The following PRKN variants were observed in gnomAD, a reference collection of about 807,000 sequenced individuals.
PRKN encodes the protein parkin RBR E3 ubiquitin protein ligase, also known as E3 ubiquitin-protein ligase parkin.
A neutral mutation model predicts 59.5 loss-of-function variants in PRKN; 56 were observed. That is an observed-to-expected ratio of 0.94 (90% CI 0.76 to 1.18). The LOEUF (loss-of-function observed/expected upper bound fraction) is 1.18, where lower values mean the gene tolerates loss of function less well. Among genes scored for constraint, PRKN ranks in the 50% most tolerant of loss-of-function variants. The pLI is 0.00. For synonymous variants in PRKN, 250 were observed against 222.1 expected, an observed-to-expected ratio of 1.13 and a Z score of -1.12; for missense variants, 657 against 596.4, an observed-to-expected ratio of 1.10 and a Z score of -1.06.
chr6:162,273,224 C>T (rs1057177385), intron 2 of PRKN, among the ~76,000 whole-genome samples: 1 of 151,934 alleles, frequency 6.6e-6, no homozygotes, highest in Non-Finnish European at 1.5e-5. Context: ...AAAATGGTTA[C>T]CTATGAGGGA....
At chr6:162,333,127 A>G (rs2128125390) in intron 2 of PRKN, among the ~76,000 whole-genome samples, 1 of 152,254 alleles carries the variant, frequency 6.6e-6, no homozygotes, top group East Asian at 1.9e-4. Context: ...TTAACTAGAG[A>G]AAGAGACCCA....
In PRKN at chr6:161,562,613, A is replaced by AT. The variant is rs1780498501; in HGVS notation, c.933+6741dup. Among the ~76,000 whole-genome samples, 1 of 152,094 alleles carries AT rather than the reference A, an allele frequency of 6.6e-6. No individual in the cohort carries two copies. The highest frequency in any genetic ancestry group is 6.5e-5 in the Admixed American group (1 of 15,272). On this transcript the variant is annotated intron_variant, in intron 8 of 11. Transcript: ENST00000366898. The surrounding 1 kb of genome is among the most constrained non-coding windows in gnomAD (Gnocchi z 4.3). ...CAAGTCCCGACTTATCTCCTTCTCC[A>AT]TGCTTCAGGCATAGCAAATGTGTTC... is the stretch of plus-strand genomic sequence containing the variant.
chr6:162,439,108 C>T (rs1490691648), intron 2 of PRKN, among the ~76,000 whole-genome samples: 1 of 152,094 alleles, frequency 6.6e-6, no homozygotes, highest in Non-Finnish European at 1.5e-5. Flanking sequence ...TCAGAAATTT[C>T]AAACAAGAGG....
At position 162,604,606 on chromosome 6, in the gene PRKN, A is replaced by G. The variant is rs572001238; in HGVS notation, c.7+123056T>C. Among the ~76,000 whole-genome samples the G allele has an allele frequency of 6.6e-5, 10 of 151,550 alleles. 1 individual carries two copies. Among genetic ancestry groups the G allele is most frequent in the African/African-American group, 2.2e-4 (9 of 41,138 alleles). On this transcript the variant is annotated intron_variant, in intron 1 of 11. Coordinates refer to ENST00000366898, the MANE Select transcript of PRKN (RefSeq NM_004562.3). Reference sequence around the variant, plus strand: ...GGGTCCATGTTTTTCCCCCACACTCATCCCCTACATATGAAGTCTCTGGTG... The same window carrying G: ...GGGTCCATGTTTTTCCCCCACACTCGTCCCCTACATATGAAGTCTCTGGTG...
chr6:162,685,223 A>T (rs1779925417), intron 1 of PRKN, among the ~76,000 whole-genome samples: 1 of 152,154 alleles, frequency 6.6e-6, no homozygotes, highest in Admixed American at 6.5e-5. Context: ...ACAGATGTGT[A>T]CTGCAATAAA....
intron 4 of PRKN, among the ~76,000 whole-genome samples, chr6:162,091,226 T>C (rs528160132): frequency 6.6e-6 from 1 of 152,284 alleles, no homozygotes; most frequent in African/African-American, 2.4e-5. Flanking sequence ...CATCTAAAAA[T>C]GTGCTATCTG....
At chr6:161,758,518 A>T (rs1583115866) in intron 7 of PRKN, among the ~76,000 whole-genome samples, 1 of 152,342 alleles carries the variant, frequency 6.6e-6, no homozygotes, top group East Asian at 1.9e-4. Context: ...ATTCTAGAAA[A>T]TGTAAACAAA....
intron 9 of PRKN, among the ~76,000 whole-genome samples, chr6:161,507,186 G>T (rs1486167715): frequency 6.6e-6 from 1 of 152,210 alleles, no homozygotes; most frequent in Non-Finnish European, 1.5e-5. Flanking sequence ...AGGAAGGAAG[G>T]TGTGCGGAAC....
At chr6:162,292,657 G>A (rs928063437) in intron 2 of PRKN, among the ~76,000 whole-genome samples, 1 of 152,156 alleles carries the variant, frequency 6.6e-6, no homozygotes, top group African/African-American at 2.4e-5. Context: ...GGAGGAAGGT[G>A]GATACCCACA....
rs1387369803 is a variant in PRKN, at chr6:161,497,091, TG to T, written c.1083+51762del. 6.6e-6 allele frequency among the ~76,000 whole-genome samples: 1 copy of T among 152,222 alleles called. No individual in the cohort carries two copies. The highest frequency in any genetic ancestry group is 1.5e-5 in the Non-Finnish European group (1 of 68,032). ...AACCTGCTGGCATGCCCGTTCCTCC[TG>T]GCTACGACTCCACAGCCTGTTCCCA... On this transcript the variant is annotated intron_variant, in intron 9 of 11. Coordinates refer to ENST00000366898, the MANE Select transcript of PRKN (RefSeq NM_004562.3). The surrounding 1 kb of genome is among the most constrained non-coding windows in gnomAD (Gnocchi z 4.6).
chr6:161,811,724 A>C (rs1407709585), intron 6 of PRKN, among the ~76,000 whole-genome samples: 1 of 152,068 alleles, frequency 6.6e-6, no homozygotes, highest in East Asian at 1.9e-4. Context: ...GGAGTTCAAG[A>C]CCAGCCTGGC....
At chr6:161,594,147 A>G (rs1157203846) in intron 7 of PRKN, among the ~76,000 whole-genome samples, 1 of 152,164 alleles carries the variant, frequency 6.6e-6, no homozygotes, top group Non-Finnish European at 1.5e-5. Context: ...TGGGTGACAG[A>G]GCAAGACTCC....
intron 1 of PRKN, among the ~76,000 whole-genome samples, chr6:162,693,270 G>A (rs1777845568): frequency 6.6e-6 from 1 of 152,124 alleles, no homozygotes; most frequent in African/African-American, 2.4e-5. Flanking sequence ...AACCTATCTT[G>A]TCCCATCTAT....
intron 5 of PRKN, among the ~76,000 whole-genome samples, chr6:161,990,494 G>T (rs1226158286): frequency 6.6e-6 from 1 of 152,100 alleles, no homozygotes; most frequent in Non-Finnish European, 1.5e-5. Flanking sequence ...ACAAATAAAA[G>T]ATACGAAATA....
intron 6 of PRKN, among the ~76,000 whole-genome samples, chr6:161,801,169 C>T (rs1177042705): frequency 3.3e-5 from 5 of 152,202 alleles, no homozygotes; most frequent in East Asian, 1.9e-4. Context: ...CCAGAGCCAG[C>T]GCTGCATAAG....
At chr6:161,831,185 G>C (rs575714640) in intron 6 of PRKN, among the ~76,000 whole-genome samples, 1 of 152,186 alleles carries the variant, frequency 6.6e-6, no homozygotes, top group African/African-American at 2.4e-5. Flanking sequence ...CAAACAACTG[G>C]AGAAACATAC....
intron 7 of PRKN, among the ~76,000 whole-genome samples, chr6:161,691,608 C>T (rs1471542537): frequency 6.6e-6 from 1 of 152,168 alleles, no homozygotes; most frequent in Admixed American, 6.5e-5. Context: ...CTCCACAAGG[C>T]ACATCATAGC....
intron 4 of PRKN, among the ~76,000 whole-genome samples, chr6:162,170,487 G>A (rs780337149): frequency 6.6e-6 from 1 of 152,164 alleles, no homozygotes; most frequent in Non-Finnish European, 1.5e-5. Flanking sequence ...ATACAGTAAA[G>A]GAAGGCAGAG....
chr6:162,181,091 C>A (rs182491238), intron 4 of PRKN, among the ~76,000 whole-genome samples: 1 of 152,172 alleles, frequency 6.6e-6, no homozygotes, highest in African/African-American at 2.4e-5. Context: ...CAGCCCATAA[C>A]AATACAAGCA....
Sources: allele counts gnomAD v4.1 joint callset (sites outside exome capture counted in the v4.1 genomes callset), GRCh38; gene constraint gnomAD v4.1.1; non-coding constraint Gnocchi (gnomAD v3.1); transcripts MANE v1.5; gene names NCBI Gene and HGNC (gene_info 2026-07-23, HGNC 2026-07-21).